ESCO1: variants seen among roughly 807,000 people sequenced by gnomAD.
The protein encoded by ESCO1 is establishment of sister chromatid cohesion N-acetyltransferase 1.
Under a neutral mutation model 83.5 loss-of-function variants are expected in ESCO1, and 33 were observed. The ratio of observed to expected loss-of-function variants is 0.40; its 90% confidence interval spans 0.30 to 0.53. The LOEUF (loss-of-function observed/expected upper bound fraction) is 0.53. Ranked by LOEUF, ESCO1 falls within the 20% of genes least tolerant of loss-of-function variation. ESCO1 has a pLI of 0.63. For synonymous variants in ESCO1, 332 were observed against 324.3 expected (o/e 1.02, Z -0.25); for missense variants, 855 against 968.0 (o/e 0.88, Z 1.55).
At chr18:21,562,414 T>A (rs2146199682) in intron 7 of ESCO1, among the ~76,000 whole-genome samples, 1 of 151,784 alleles carries the variant, frequency 6.6e-6, no homozygotes, top group East Asian at 2.0e-4. Flanking sequence ...AAGCAGAGGT[T>A]GCAGTGAGCC....
intron 8 of ESCO1, among the ~76,000 whole-genome samples, chr18:21,546,466 T>C (rs1287458505): frequency 1.3e-5 from 2 of 152,170 alleles, no homozygotes; most frequent in East Asian, 1.9e-4. Context: ...ATGTTGACCA[T>C]AGGGCCTAGC....
chr18:21,580,291 G>A (rs1321362061), intron 2 of ESCO1, among the ~76,000 whole-genome samples: 2 of 152,004 alleles, frequency 1.3e-5, no homozygotes. Flanking sequence ...AGGATAAAAA[G>A]ATGACTCTCA....
chr18:21,570,494 G>C (rs2038325385), intron 4 of ESCO1, among the ~76,000 whole-genome samples: 1 of 152,152 alleles, frequency 6.6e-6, no homozygotes, highest in Non-Finnish European at 1.5e-5. Flanking sequence ...CAAATATAAT[G>C]TTGATTACAC....
rs1240657398 is a variant in ESCO1 at position 21,574,013 on chromosome 18, T to C, written c.831A>G (p.Pro277=). ...CAGGCACTGATGGCTGTGGACTTTT[T>C]GGGAGTGTTGTGTTAGTATTCACTT... ...HTQVNTNTTL[P]KSPQPSVPEQ... Residue 277 remains proline (P), a synonymous_variant, in exon 4 of 12, where the codon CCA becomes CCG. Transcript: ENST00000269214. 1 of 1,613,574 alleles carries C rather than the reference T, an allele frequency of 6.2e-7. No individual in the cohort carries two copies. The highest frequency in any genetic ancestry group is 8.5e-7 in the Non-Finnish European group (1 of 1,180,004).
At chr18:21,592,612 C>T (rs1256862377) in intron 1 of ESCO1, among the ~76,000 whole-genome samples, 2 of 150,588 alleles carry the variant, frequency 1.3e-5, no homozygotes, top group African/African-American at 2.4e-5. Context: ...GCTGACCCCC[C>T]CACCTCCCTC....
At chr18:21,532,753 G>C in intron 10 of ESCO1, 93 bp from the exon 11 acceptor site, 1 of 1,229,600 alleles carries the variant, frequency 8.1e-7, no homozygotes, top group South Asian at 1.6e-5. Context: ...CATTTGACTG[G>C]CTTAACAAAC....
intron 1 of ESCO1, chr18:21,593,181 G>A (rs1171554396): frequency 1.6e-5 from 3 of 191,152 alleles, no homozygotes; most frequent in Non-Finnish European, 3.3e-5. Context: ...TCACTTCCTA[G>A]ACGGGGTGGC....
intron 4 of ESCO1, among the ~76,000 whole-genome samples, chr18:21,568,796 G>A (rs1221649237): frequency 2.0e-5 from 3 of 151,796 alleles, no homozygotes; most frequent in African/African-American, 7.3e-5. Context: ...CCAGCTACTC[G>A]GGAGGCTGAG....
intron 2 of ESCO1, among the ~76,000 whole-genome samples, chr18:21,577,339 A>G (rs185885374): frequency 1.8e-4 from 26 of 145,180 alleles, no homozygotes; most frequent in Middle Eastern, 7.0e-3. Flanking sequence ...CCTGGGCAAC[A>G]AGAGTGAGAC....
chr18:21,579,788 GCGCGCGCACACA>G (rs1414168790), intron 2 of ESCO1, among the ~76,000 whole-genome samples: 9 of 39,822 alleles, frequency 2.3e-4, no homozygotes, highest in East Asian at 1.4e-3. Context: ...ACACACACGC[GCGCGCGCACACA>G]CACACACACA....
chr18:21,577,779 G>A (rs1290434153), intron 2 of ESCO1, among the ~76,000 whole-genome samples: 1 of 151,976 alleles, frequency 6.6e-6, no homozygotes, highest in African/African-American at 2.4e-5. Flanking sequence ...AGGCTTAACA[G>A]GCACAGTTGA....
intron 1 of ESCO1, among the ~76,000 whole-genome samples, chr18:21,590,403 G>C (rs1007851210): frequency 1.3e-5 from 2 of 150,214 alleles, no homozygotes; most frequent in Admixed American, 1.3e-4. Context: ...TGTATTTTTA[G>C]TAGAGATGGG....
intron 9 of ESCO1, among the ~76,000 whole-genome samples, chr18:21,539,489 G>A (rs1386371565): frequency 1.3e-5 from 2 of 152,066 alleles, no homozygotes; most frequent in Non-Finnish European, 2.9e-5. Flanking sequence ...CCCTTTAAAC[G>A]CTTATTTCTT....
chr18:21,541,711 CTAA>C (rs1032532165), intron 8 of ESCO1, among the ~76,000 whole-genome samples: 3 of 151,498 alleles, frequency 2.0e-5, no homozygotes, highest in Admixed American at 6.6e-5. Context: ...ATTTCTATTA[CTAA>C]TGTTACTTTA....
Position 21,574,878 on chromosome 18 carries a change from GA to G in ESCO1, c.-36del. The G allele has an allele frequency of 6.6e-7, 1 of 1,516,276 alleles. No homozygotes were observed. Among genetic ancestry groups the G allele is most frequent in the East Asian group, 2.3e-5 (1 of 44,416 alleles). 93.9% of individuals were successfully genotyped at this position (1,516,276 alleles called of 1,614,324 possible). A position where few individuals can be genotyped will look rare whatever the true frequency, so the allele number is the denominator to read the frequency against. On this transcript the variant is annotated 5_prime_UTR_variant, in exon 4 of 12. Transcript: ENST00000269214. ...ATGACTTTCTTTTCTGAGTAGTTTT[GA>G]AGAGGATTTTTGTGTCCTGGTAGGC... is the stretch of plus-strand genomic sequence containing the variant.
chr18:21,567,635 G>A (rs1304791598), intron 5 of ESCO1, among the ~76,000 whole-genome samples: 3 of 152,154 alleles, frequency 2.0e-5, no homozygotes, highest in African/African-American at 7.2e-5. Flanking sequence ...ACCTGAAATG[G>A]TAAAGCACAA....
intron 1 of ESCO1, among the ~76,000 whole-genome samples, chr18:21,592,061 T>C (rs1039705165): frequency 4.0e-5 from 6 of 151,824 alleles, no homozygotes; most frequent in African/African-American, 1.2e-4. Context: ...AAGTCTCCCA[T>C]GTCTACTTCT....
chr18:21,562,122 C>T (rs1033976972), intron 7 of ESCO1, among the ~76,000 whole-genome samples: 2 of 152,088 alleles, frequency 1.3e-5, no homozygotes, highest in African/African-American at 4.8e-5. Context: ...TCAGGTGATC[C>T]ACCTGCCTCG....
intron 11 of ESCO1, 109 bp from the exon 12 acceptor site, chr18:21,530,599 A>C: frequency 8.9e-7 from 1 of 1,125,924 alleles, no homozygotes; most frequent in Non-Finnish European, 1.2e-6. Context: ...TTGACTAAAA[A>C]AGCTTTTTAG....
Sources: allele counts gnomAD v4.1 joint callset (sites outside exome capture counted in the v4.1 genomes callset), GRCh38; gene constraint gnomAD v4.1.1; transcripts MANE v1.5; gene names NCBI Gene and HGNC (gene_info 2026-07-23, HGNC 2026-07-21).